The following TBX10 variants were observed in gnomAD, a reference collection of about 807,000 sequenced individuals.
TBX10 encodes T-box transcription factor 10.
In TBX10, 26 loss-of-function variants were observed where a neutral mutation model predicts 32.4. That is an observed-to-expected ratio of 0.80 (90% CI 0.59 to 1.11). The LOEUF (loss-of-function observed/expected upper bound fraction) is 1.11, where lower values mean the gene tolerates loss of function less well. Ranked by LOEUF, TBX10 falls within the 50% of genes most tolerant of loss-of-function variation. The pLI, the probability that TBX10 is intolerant of heterozygous loss-of-function variation, is 0.00. For synonymous variants in TBX10, 195 were observed against 203.1 expected, an observed-to-expected ratio of 0.96 and a Z score of 0.34; for missense variants, 490 against 494.5, an observed-to-expected ratio of 0.99 and a Z score of 0.09.
upstream of TBX10, among the ~76,000 whole-genome samples, chr11:67,639,815 G>GC (rs34027444): frequency 0.042 from 6,338 of 152,254 alleles, 480 homozygotes; most frequent in Admixed American, 0.21. Flanking sequence ...ACGTTGCAGA[G>GC]CCCCCCTTCC....
intron 1 of TBX10, 65 bp downstream of exon 1, chr11:67,639,401 T>TCCCACCCC: frequency 4.7e-6 from 1 of 213,932 alleles, no homozygotes. Context: ...GTTCCCACCC[T>TCCCACCCC]GCCCACCCAC....
At position 67,632,339 on chromosome 11, in the gene TBX10, C is replaced by A. The variant is rs1855249236; in HGVS notation, c.847G>T (p.Gly283Cys). 20 of 1,613,290 alleles carry A rather than the reference C, an allele frequency of 1.2e-5. No individual in the cohort carries two copies. The highest frequency in any genetic ancestry group is 1.6e-4 in the Middle Eastern group (1 of 6,084). ...TTACCTTTCTCCCTGTCTGTGGCAC[C>A]CTTCAGCACACAGGGACTGAGGCTG... The part of the protein sequence containing the change: ...HSSLSPCVLK[G>C]ATDREKDPNK... The change falls in exon 7 of 8, where the codon GGT becomes TGT. Residue 283 changes from glycine to cysteine, a missense_variant. This residue lies in a region of TBX10 where 177 missense variants were observed against 176.6 expected (regional missense o/e 1.00). Coordinates refer to ENST00000335385, the MANE Select transcript of TBX10 (RefSeq NM_005995.5).
In TBX10 at chr11:67,634,811, CG is replaced by C; in HGVS notation, c.377+4del. 1 of 1,613,280 alleles carries C rather than the reference CG, an allele frequency of 6.2e-7. No homozygotes were observed. The highest frequency in any genetic ancestry group is 1.1e-5 in the South Asian group (1 of 91,082). On this transcript the variant is annotated splice_donor_region_variant and intron_variant, in intron 3 of 7. Coordinates refer to ENST00000335385, the MANE Select transcript of TBX10 (RefSeq NM_005995.5). ...TGAGCCTTTGCCCCAGGCCGGTCCC[CG>C]CACCTGTATCTCTTGTCGTCCAGGG...
intron 6 of TBX10, 22 bp from the exon 7 acceptor site, chr11:67,632,434 G>A: frequency 6.2e-7 from 1 of 1,607,460 alleles, no homozygotes; most frequent in Non-Finnish European, 8.5e-7. Context: ...AGCGAGAATG[G>A]GGGGAGGGGA....
chr11:67,631,963 G>T (rs995300587), intron 7 of TBX10, 69 bp from the exon 8 acceptor site: 11 of 1,544,606 alleles, frequency 7.1e-6, no homozygotes, highest in African/African-American at 5.5e-5. Context: ...GGCCTGCCCT[G>T]GTCCCTTCCT....
At position 67,635,074 on chromosome 11, in the gene TBX10, G is replaced by A; in HGVS notation, c.197C>T (p.Thr66Ile). The A allele has an allele frequency of 1.9e-6, 3 of 1,613,906 alleles. No homozygotes were observed. The highest frequency in any genetic ancestry group is 2.5e-6 in the Non-Finnish European group (3 of 1,180,042). ...GPKNPRVSRVTVQLEMKPLWE... is the reference protein window; with the variant it reads ...GPKNPRVSRVIVQLEMKPLWE... ...CAGAGGCTTCATCTCCAGCTGAACT[G>A]TCACTCTGGACACACGTGGGTTCTT... The change falls in exon 2 of 8, where the codon ACA (threonine) becomes ATA (isoleucine). Residue 66 changes from threonine (T) to isoleucine (I), a missense_variant. By Grantham distance (89) the Thr-to-Ile change is moderately conservative (BLOSUM62 -1). Transcript: ENST00000335385.
chr11:67,634,170 A>C lies in TBX10; in HGVS notation c.549+19T>G. ...CCTGACCCCAGGCCCTTCCGTCCCC[A>C]CCGTGGCCCCGGCCTCACGTGGCCA... On this transcript the variant is annotated intron_variant, in intron 4 of 7. Coordinates refer to ENST00000335385, the MANE Select transcript of TBX10 (RefSeq NM_005995.5). The C allele has an allele frequency of 6.2e-7, 1 of 1,611,178 alleles. No homozygotes were observed. Among genetic ancestry groups the C allele is most frequent in the Non-Finnish European group, 8.5e-7 (1 of 1,179,902 alleles).
intron 1 of TBX10, among the ~76,000 whole-genome samples, chr11:67,638,122 G>A (rs992112615): frequency 6.6e-6 from 1 of 152,042 alleles, no homozygotes; most frequent in Non-Finnish European, 1.5e-5. Context: ...CACAAGTGTC[G>A]CTTGAACCCA....
At chr11:67,632,769 C>T in intron 5 of TBX10, 99 bp from the exon 6 acceptor site, 2 of 1,561,952 alleles carry the variant, frequency 1.3e-6, no homozygotes, top group Non-Finnish European at 1.8e-6. Context: ...GCACCTGGGC[C>T]TCTTGGCCCA....
intron 1 of TBX10, among the ~76,000 whole-genome samples, chr11:67,636,028 C>T (rs568849000): frequency 3.1e-4 from 47 of 149,656 alleles, no homozygotes; most frequent in African/African-American, 1.1e-3. Flanking sequence ...GAAAAGAAAC[C>T]AGAAAATAAA....
upstream of TBX10, among the ~76,000 whole-genome samples, chr11:67,640,058 C>T (rs1459323805): frequency 6.6e-6 from 1 of 152,106 alleles, no homozygotes; most frequent in East Asian, 1.9e-4. Context: ...GAGGAGGTGC[C>T]CTCCCACCAA....
At position 67,632,465 on chromosome 11, in the gene TBX10, C is replaced by T; in HGVS notation, c.774-53G>A. 3 of 1,594,664 alleles carry T rather than the reference C, an allele frequency of 1.9e-6. No homozygotes were observed. In the South Asian group the frequency reaches 3.3e-5, roughly 18 times the overall value. On this transcript the variant is annotated intron_variant, in intron 6 of 7. Coordinates refer to ENST00000335385, the MANE Select transcript of TBX10 (RefSeq NM_005995.5). ...GGGGATCAAGGGGAAGAACCCAGGCCAGGGATCATGGCCAGCTTCAGATGG... is the reference window on the plus strand; with the variant it reads ...GGGGATCAAGGGGAAGAACCCAGGCTAGGGATCATGGCCAGCTTCAGATGG...
rs1565232491 is a variant in TBX10, at chr11:67,631,363, AC to A, written c.*241del. The stretch of plus-strand genomic sequence containing the variant: ...AGGTAAGGCAGGGTTTTCGGGAGTT[AC>A]CCCCAAAGCAAGAGGGCACAGTATT... On this transcript the variant is annotated 3_prime_UTR_variant, in exon 8 of 8. Transcript: ENST00000335385. 1 of 580,716 alleles carries A rather than the reference AC, an allele frequency of 1.7e-6. No individual in the cohort carries two copies. The highest frequency in any genetic ancestry group is 3.1e-6 in the Non-Finnish European group (1 of 326,290). The allele number at this position is 580,716 out of a possible 1,614,324, so 36.0% of individuals were successfully genotyped here.
In TBX10 at chr11:67,632,366, T is replaced by C. The variant is rs1046827606; in HGVS notation, c.820A>G (p.Ser274Gly). Reference sequence around the variant, plus strand: ...TTCAGCACACAGGGACTGAGGCTGCTGTGACTCCGGGCTGGGACACTGAGC... The same window carrying C: ...TTCAGCACACAGGGACTGAGGCTGCCGTGACTCCGGGCTGGGACACTGAGC... Reference protein sequence around the residue: ...PLLSVPARSHSSLSPCVLKGA... With the variant: ...PLLSVPARSHGSLSPCVLKGA... The change falls in exon 7 of 8, where the codon AGC (serine) becomes GGC (glycine). Residue 274 changes from serine (S) to glycine (G), a missense_variant. Transcript: ENST00000335385. 10 of 1,613,150 alleles carry C rather than the reference T, an allele frequency of 6.2e-6. No homozygotes were observed. The East Asian group carries it at 2.0e-4, about 32-fold the overall frequency.
Position 67,636,729 on chromosome 11 carries a change from C to G in TBX10, c.8-1466G>C, listed in dbSNP as rs550300082. Among the ~76,000 whole-genome samples the G allele has an allele frequency of 9.2e-5, 14 of 152,082 alleles. No individual in the cohort carries two copies. In the South Asian group the frequency reaches 2.7e-3, roughly 29 times the overall value. ...TCTAGGCTTGTCTCGAACTCCTGAC[C>G]TCAGGTGATTTGCCCACCTCAGCCT... On this transcript the variant is annotated intron_variant, in intron 1 of 7. Coordinates refer to ENST00000335385, the MANE Select transcript of TBX10 (RefSeq NM_005995.5).
At chr11:67,634,782 G>T in intron 3 of TBX10, 34 bp downstream of exon 3, 1 of 1,603,752 alleles carries the variant, frequency 6.2e-7, no homozygotes, top group South Asian at 1.1e-5. Flanking sequence ...CAGCACCTGA[G>T]ACCTGAGCCT....
chr11:67,640,968 C>T (rs970287739), upstream of TBX10, among the ~76,000 whole-genome samples: 2 of 152,100 alleles, frequency 1.3e-5, no homozygotes, highest in Admixed American at 1.3e-4. Flanking sequence ...CCTGGCCCAA[C>T]CCCATGCCCG....
chr11:67,634,173 G>T lies in TBX10; in HGVS notation c.549+16C>A. On this transcript the variant is annotated intron_variant, in intron 4 of 7. Coordinates refer to ENST00000335385, the MANE Select transcript of TBX10 (RefSeq NM_005995.5). ...GACCCCAGGCCCTTCCGTCCCCACC[G>T]TGGCCCCGGCCTCACGTGGCCATTG... The T allele has an allele frequency of 6.2e-7, 1 of 1,611,556 alleles. No individual in the cohort carries two copies. The highest frequency in any genetic ancestry group is 8.5e-7 in the Non-Finnish European group (1 of 1,179,916).
intron 1 of TBX10, among the ~76,000 whole-genome samples, chr11:67,635,873 C>T (rs1855320956): frequency 6.6e-6 from 1 of 152,106 alleles, no homozygotes; most frequent in South Asian, 2.1e-4. Context: ...GGTCTCTGCA[C>T]TCTTTTCTAA....
Sources: gnomAD v4.1 joint callset for allele counts (sites outside exome capture counted in the v4.1 genomes callset) on GRCh38, gnomAD v4.1.1 for gene constraint, gnomAD v4.1.1 regional missense constraint, MANE v1.5 for transcripts, NCBI Gene and HGNC (gene_info 2026-07-23, HGNC 2026-07-21) for gene names.